The following KPNA3 variants were observed in gnomAD, a reference collection of about 807,000 sequenced individuals.
KPNA3 encodes importin subunit alpha-4.
A neutral mutation model predicts 73.8 loss-of-function variants in KPNA3; 13 were observed. The observed-to-expected ratio is 0.18, with a 90% CI of 0.11 to 0.28. The LOEUF (loss-of-function observed/expected upper bound fraction) is 0.28. KPNA3 is among the 10% of genes least tolerant of loss of function. KPNA3 has a pLI of 1.00. For synonymous variants in KPNA3, 186 were observed against 206.9 expected (o/e 0.90, Z 0.87); for missense variants, 360 against 618.1 (o/e 0.58, Z 4.43).
At chr13:49,783,098 A>T (rs1954954600) in intron 1 of KPNA3, among the ~76,000 whole-genome samples, 3 of 152,150 alleles carry the variant, frequency 2.0e-5, no homozygotes, top group African/African-American at 7.2e-5. Context: ...AACAACCTGA[A>T]GGCATCACTT....
At position 49,792,677 on chromosome 13, in the gene KPNA3, C is replaced by T. The variant is rs1955048191; in HGVS notation, c.-171G>A. 1.9e-6 allele frequency: 1 copy of T among 514,134 alleles called. No individual in the cohort carries two copies. The highest frequency in any genetic ancestry group is 2.2e-5 in the South Asian group (1 of 46,060). 31.8% of individuals were successfully genotyped at this position (514,134 alleles called of 1,614,324 possible). On this transcript the variant is annotated 5_prime_UTR_variant, in exon 1 of 17. Transcript: ENST00000261667. ...GCAGTAGCGCCGGGGGAGGCGCGGGCCGACTGCCGGGCCGGGTGGGGCGGG... is the reference window on the plus strand; with the variant it reads ...GCAGTAGCGCCGGGGGAGGCGCGGGTCGACTGCCGGGCCGGGTGGGGCGGG...
chr13:49,754,954 T>C (rs1000985716), intron 1 of KPNA3, among the ~76,000 whole-genome samples: 13 of 152,078 alleles, frequency 8.5e-5, no homozygotes, highest in Admixed American at 8.5e-4. Flanking sequence ...AAAGAAGAAC[T>C]AACACCAATT....
At chr13:49,765,156 T>G (rs1954798957) in intron 1 of KPNA3, among the ~76,000 whole-genome samples, 1 of 152,236 alleles carries the variant, frequency 6.6e-6, no homozygotes, top group Non-Finnish European at 1.5e-5. Flanking sequence ...ATCAATTAAG[T>G]ATTAATAACT....
At chr13:49,752,812 A>G (rs193010818) in intron 1 of KPNA3, among the ~76,000 whole-genome samples, 3,059 of 152,020 alleles carry the variant, frequency 0.02, 42 homozygotes, top group South Asian at 0.03. Context: ...GCGGATCATG[A>G]GGTCAGGAGA....
intron 1 of KPNA3, among the ~76,000 whole-genome samples, chr13:49,759,517 T>C (rs1220844539): frequency 1.3e-5 from 2 of 152,178 alleles, no homozygotes; most frequent in Non-Finnish European, 1.5e-5. Flanking sequence ...CTCACCATAA[T>C]GTAGAATCAA....
At chr13:49,712,322 T>C (rs985994234) in intron 10 of KPNA3, among the ~76,000 whole-genome samples, 3 of 152,136 alleles carry the variant, frequency 2.0e-5, no homozygotes, top group Admixed American at 2.0e-4. Flanking sequence ...GACAAGGACT[T>C]GATAAGATTT....
intron 1 of KPNA3, among the ~76,000 whole-genome samples, chr13:49,769,820 A>T (rs1037105413): frequency 2.0e-5 from 3 of 152,224 alleles, no homozygotes; most frequent in Admixed American, 6.5e-5. Context: ...TATGATTAAC[A>T]TCTCGAACTG....
chr13:49,708,740 T>C (rs1255795760), intron 12 of KPNA3, among the ~76,000 whole-genome samples: 1 of 152,210 alleles, frequency 6.6e-6, no homozygotes, highest in East Asian at 1.9e-4. Context: ...TGAATGAACC[T>C]TGAAAACATG....
intron 6 of KPNA3, among the ~76,000 whole-genome samples, chr13:49,730,679 T>C (rs1338472376): frequency 6.6e-6 from 1 of 151,340 alleles, no homozygotes; most frequent in Non-Finnish European, 1.5e-5. Context: ...GCAGGTTAGT[T>C]ACATATGTAT....
chr13:49,784,179 G>A (rs775455479), intron 1 of KPNA3, among the ~76,000 whole-genome samples: 8 of 152,052 alleles, frequency 5.3e-5, no homozygotes, highest in Non-Finnish European at 1.2e-4. Flanking sequence ...AGCCATGATC[G>A]TGTCACTGCA....
At chr13:49,746,230 T>C (rs560222314) in intron 2 of KPNA3, among the ~76,000 whole-genome samples, 1 of 152,212 alleles carries the variant, frequency 6.6e-6, no homozygotes, top group Admixed American at 6.5e-5. Context: ...GGACGATTGT[T>C]TGAGTCCAGG....
chr13:49,702,329 C>T (rs1199915718), intron 16 of KPNA3, 57 bp downstream of exon 16: 1 of 890,114 alleles, frequency 1.1e-6, no homozygotes, highest in African/African-American at 1.8e-5. Flanking sequence ...AGTAAATTTA[C>T]ATCATGTATA....
chr13:49,774,272 C>A (rs1954878650), intron 1 of KPNA3, among the ~76,000 whole-genome samples: 1 of 152,058 alleles, frequency 6.6e-6, no homozygotes, highest in African/African-American at 2.4e-5. Flanking sequence ...TTAATGGATT[C>A]TTTAAAAAGA....
chr13:49,720,410 C>A (rs1954343903), intron 9 of KPNA3, among the ~76,000 whole-genome samples: 1 of 152,104 alleles, frequency 6.6e-6, no homozygotes. Context: ...ACACAAAATA[C>A]CTTTGCATAG....
chr13:49,734,768 A>G lies in KPNA3; in HGVS notation c.115-1722T>C, dbSNP rs1377767426. 5.9e-5 allele frequency among the ~76,000 whole-genome samples: 9 copies of G among 152,232 alleles called. No homozygotes were observed. The South Asian group carries it at 1.0e-3, about 18-fold the overall frequency. On this transcript the variant is annotated intron_variant, in intron 2 of 16. Transcript: ENST00000261667. ...CACATATGTGGTTTTACATGTGTCT[A>G]TTAGTTAAAATTTGTGAATTAAATT...
chr13:49,751,846 T>C (rs1954665986), intron 1 of KPNA3, among the ~76,000 whole-genome samples: 1 of 152,154 alleles, frequency 6.6e-6, no homozygotes. Flanking sequence ...AGGTCAAGGC[T>C]GCAGTGAGCC....
intron 1 of KPNA3, among the ~76,000 whole-genome samples, chr13:49,759,801 C>T (rs1198305442): frequency 2.6e-5 from 4 of 152,200 alleles, no homozygotes; most frequent in Admixed American, 2.6e-4. Context: ...TCCTACTGTG[C>T]AGCCCAGTTC....
intron 2 of KPNA3, 56 bp downstream of exon 2, chr13:49,746,893 G>A (rs975560725): frequency 7.5e-7 from 1 of 1,326,332 alleles, no homozygotes; most frequent in South Asian, 1.2e-5. Context: ...AAGATACACA[G>A]AATTTTAACA....
chr13:49,760,414 C>CAAAAAA (rs1365099527), intron 1 of KPNA3, among the ~76,000 whole-genome samples: 1 of 60,140 alleles, frequency 1.7e-5, no homozygotes, highest in African/African-American at 7.4e-5. Context: ...GATCCCATCT[C>CAAAAAA]AAAAAAAAAA....
Sources: allele counts gnomAD v4.1 joint callset (sites outside exome capture counted in the v4.1 genomes callset), GRCh38; gene constraint gnomAD v4.1.1; transcripts MANE v1.5; gene names NCBI Gene and HGNC (gene_info 2026-07-23, HGNC 2026-07-21).